SQOR: variants seen among roughly 807,000 people sequenced by gnomAD.
SQOR encodes the protein sulfide:quinone oxidoreductase, mitochondrial.
In SQOR, 39 loss-of-function variants were observed where a neutral mutation model predicts 48.6. That is an observed-to-expected ratio of 0.80 (90% confidence interval 0.62 to 1.05). The LOEUF (loss-of-function observed/expected upper bound fraction) is 1.05, where lower values mean the gene tolerates loss of function less well. Among genes scored for constraint, SQOR ranks in the 50% least tolerant of loss-of-function variants. The pLI, the probability that SQOR is intolerant of heterozygous loss-of-function variation, is 0.00. For synonymous variants in SQOR, 220 were observed against 206.2 expected (o/e 1.07, Z -0.57); for missense variants, 561 against 559.9 (o/e 1.00, Z -0.02).
intron 2 of SQOR, among the ~76,000 whole-genome samples, chr15:45,661,309 A>G (rs1889715748): frequency 1.3e-5 from 2 of 150,762 alleles, no homozygotes; most frequent in Admixed American, 1.3e-4. Flanking sequence ...AAAAAAAAAA[A>G]AAAAAGGACC....
chr15:45,680,079 G>T (rs890894048), intron 6 of SQOR, among the ~76,000 whole-genome samples: 4 of 151,886 alleles, frequency 2.6e-5, no homozygotes, highest in Admixed American at 6.6e-5. Flanking sequence ...TTGTTTGTTT[G>T]TTTTTTTCTT....
chr15:45,650,839 G>A (rs546860963), intron 1 of SQOR, among the ~76,000 whole-genome samples: 1 of 152,298 alleles, frequency 6.6e-6, no homozygotes, highest in African/African-American at 2.4e-5. Flanking sequence ...GGTTCTCCAA[G>A]TCCCCACCAG....
intron 1 of SQOR, among the ~76,000 whole-genome samples, chr15:45,649,519 A>G (rs940204331): frequency 6.6e-6 from 1 of 152,146 alleles, no homozygotes; most frequent in Non-Finnish European, 1.5e-5. Context: ...TCTGTTGCCC[A>G]GGCTGGAGTG....
intron 3 of SQOR, among the ~76,000 whole-genome samples, chr15:45,664,068 G>T (rs1424543723): frequency 6.6e-6 from 1 of 152,174 alleles, no homozygotes; most frequent in African/African-American, 2.4e-5. Context: ...AGCTGATTTG[G>T]AGCTAATTGG....
At chr15:45,642,315 G>A (rs1176257166) in intron 1 of SQOR, among the ~76,000 whole-genome samples, 1 of 152,214 alleles carries the variant, frequency 6.6e-6, no homozygotes, top group Non-Finnish European at 1.5e-5. Context: ...TGGTGGAGAA[G>A]ACCAATGACT....
chr15:45,659,197 TGTGTGTGTGTGTGA>T (rs1473146540), intron 2 of SQOR, 40 bp downstream of exon 2: 7 of 1,180,974 alleles, frequency 5.9e-6, no homozygotes, highest in East Asian at 2.9e-5. Context: ...TGTGTGTACG[TGTGTGTGTGTGTGA>T]GTGTGTGTGT....
chr15:45,684,728 A>G (rs144602352), intron 7 of SQOR, among the ~76,000 whole-genome samples: 63 of 152,284 alleles, frequency 4.1e-4, no homozygotes, highest in African/African-American at 1.5e-3. Flanking sequence ...ATGTGGTGAA[A>G]CTACCTGTGA....
chr15:45,687,166 C>T (rs559632296), intron 7 of SQOR, among the ~76,000 whole-genome samples: 1 of 151,814 alleles, frequency 6.6e-6, no homozygotes, highest in Admixed American at 6.6e-5. Context: ...TCACTTTATC[C>T]CCAAGGGTGG....
intron 5 of SQOR, chr15:45,674,132 T>C (rs1889992977): frequency 3.7e-6 from 1 of 268,302 alleles, no homozygotes; most frequent in Non-Finnish European, 7.2e-6. Context: ...ACTTTTTAAA[T>C]GTGTGTGTAA....
At chr15:45,674,580 T>C (rs1437160366) in intron 5 of SQOR, among the ~76,000 whole-genome samples, 1 of 152,320 alleles carries the variant, frequency 6.6e-6, no homozygotes, top group South Asian at 2.1e-4. Context: ...AGGTCATGAA[T>C]ATTTTCTGTC....
At chr15:45,662,536 C>T (rs548773241) in intron 3 of SQOR, among the ~76,000 whole-genome samples, 1 of 152,172 alleles carries the variant, frequency 6.6e-6, no homozygotes, top group African/African-American at 2.4e-5. Context: ...TGGAAAATAT[C>T]CATCCAGCCA....
chr15:45,661,288 CTT>C (rs1566918658), intron 2 of SQOR, among the ~76,000 whole-genome samples: 4 of 77,922 alleles, frequency 5.1e-5, no homozygotes, highest in Admixed American at 3.3e-4. Flanking sequence ...GAGACTCTGT[CTT>C]AAAAAAAAAA....
chr15:45,688,877 T>A (rs906865445), intron 8 of SQOR, among the ~76,000 whole-genome samples, 162 bp from the exon 9 acceptor site: 2 of 148,512 alleles, frequency 1.3e-5, no homozygotes, highest in African/African-American at 4.9e-5. Context: ...ATTAGTACTA[T>A]TTTTTTTGTA....
intron 4 of SQOR, among the ~76,000 whole-genome samples, chr15:45,671,185 A>C (rs1475171982): frequency 1.3e-5 from 2 of 152,142 alleles, no homozygotes; most frequent in Non-Finnish European, 2.9e-5. Context: ...TTTGAGATGG[A>C]GTCTTGTCAC....
chr15:45,686,256 A>G (rs147031678), intron 7 of SQOR, among the ~76,000 whole-genome samples: 1,967 of 152,008 alleles, frequency 0.013, 50 homozygotes, highest in African/African-American at 0.045. Context: ...GGTTCAAGCA[A>G]TTCTCTTGTC....
chr15:45,635,552 G>T (rs766832897), intron 1 of SQOR, among the ~76,000 whole-genome samples: 2 of 152,148 alleles, frequency 1.3e-5, no homozygotes, highest in Non-Finnish European at 2.9e-5. Context: ...GGGGGCGCTC[G>T]AGGGGTCGGC....
chr15:45,641,581 T>C (rs1163014438), intron 1 of SQOR, among the ~76,000 whole-genome samples: 1 of 152,206 alleles, frequency 6.6e-6, no homozygotes, highest in East Asian at 1.9e-4. Flanking sequence ...TGAAGATTGC[T>C]CCATTTTCTT....
intron 7 of SQOR, among the ~76,000 whole-genome samples, chr15:45,685,722 A>G (rs1279214732): frequency 1.3e-5 from 2 of 152,130 alleles, no homozygotes; most frequent in Non-Finnish European, 1.5e-5. Flanking sequence ...GGCCTCCTCA[A>G]GTGTTCTCAG....
intron 3 of SQOR, among the ~76,000 whole-genome samples, chr15:45,668,313 A>G (rs1289482926): frequency 6.6e-6 from 1 of 152,184 alleles, no homozygotes; most frequent in African/African-American, 2.4e-5. Context: ...CACTTAGAGA[A>G]ATTGTACTTT....
Sources: gnomAD v4.1 joint callset for allele counts (sites outside exome capture counted in the v4.1 genomes callset) on GRCh38, gnomAD v4.1.1 for gene constraint, MANE v1.5 for transcripts, NCBI Gene and HGNC (gene_info 2026-07-23, HGNC 2026-07-21) for gene names.